Variants in LHFPL6 observed in about 807,000 individuals in gnomAD.
The protein encoded by LHFPL6 is LHFPL tetraspan subfamily member 6.
A neutral mutation model predicts 20.6 loss-of-function variants in LHFPL6; 9 were observed. That is an observed-to-expected ratio of 0.44 (90% CI 0.26 to 0.76). LHFPL6 has a LOEUF of 0.76. Among genes scored for constraint, LHFPL6 ranks in the 30% least tolerant of loss-of-function variants. The pLI is 0.20. For missense variants in LHFPL6, 218 were observed against 253.5 expected (o/e 0.86, Z 0.95); for synonymous variants, 105 against 98.7 (o/e 1.06, Z -0.38).
intron 2 of LHFPL6, among the ~76,000 whole-genome samples, chr13:39,533,372 C>A (rs1286771252): frequency 6.6e-6 from 1 of 152,144 alleles, no homozygotes; most frequent in African/African-American, 2.4e-5. Flanking sequence ...CCTCTTGAAT[C>A]CAAGATGGCA....
chr13:39,347,080 CAAAAA>C (rs11328909), intron 3 of LHFPL6, among the ~76,000 whole-genome samples: 2 of 76,552 alleles, frequency 2.6e-5, no homozygotes, highest in African/African-American at 1.0e-4. Context: ...ACTCTGTCTC[CAAAAA>C]AAAAAAAAAA....
chr13:39,584,609 G>T (rs1033755381), intron 2 of LHFPL6, among the ~76,000 whole-genome samples: 1 of 150,642 alleles, frequency 6.6e-6, no homozygotes, highest in Non-Finnish European at 1.5e-5. Flanking sequence ...TTTAAGACTA[G>T]AGTTAATATT....
At chr13:39,410,929 C>T (rs1373224243) in intron 2 of LHFPL6, among the ~76,000 whole-genome samples, 1 of 152,180 alleles carries the variant, frequency 6.6e-6, no homozygotes, top group Non-Finnish European at 1.5e-5. Flanking sequence ...GACAACATTC[C>T]ATATTTCAAG....
intron 2 of LHFPL6, among the ~76,000 whole-genome samples, chr13:39,494,261 G>A (rs757195613): frequency 6.6e-6 from 1 of 152,216 alleles, no homozygotes; most frequent in Admixed American, 6.5e-5. Flanking sequence ...ATTGCTAGTC[G>A]CAGCTCTTAG....
intron 2 of LHFPL6, among the ~76,000 whole-genome samples, chr13:39,541,183 T>C (rs998766187): frequency 1.3e-5 from 2 of 152,200 alleles, no homozygotes; most frequent in East Asian, 3.9e-4. Flanking sequence ...ACATCCTCCA[T>C]CTCTCCACTC....
intron 2 of LHFPL6, among the ~76,000 whole-genome samples, chr13:39,521,587 GT>G (rs1870107523): frequency 6.6e-6 from 1 of 151,942 alleles, no homozygotes; most frequent in Non-Finnish European, 1.5e-5. Flanking sequence ...AACGGGTTGG[GT>G]TTGTTGTTGT....
chr13:39,388,238 C>G (rs73453070), intron 2 of LHFPL6, among the ~76,000 whole-genome samples: 1 of 152,184 alleles, frequency 6.6e-6, no homozygotes, highest in Non-Finnish European at 1.5e-5. Flanking sequence ...CAAAATGGTG[C>G]CTTGATTCTC....
At chr13:39,428,662 A>G (rs1871707299) in intron 2 of LHFPL6, among the ~76,000 whole-genome samples, 1 of 152,022 alleles carries the variant, frequency 6.6e-6, no homozygotes, top group Non-Finnish European at 1.5e-5. Context: ...TTTTGGTTTC[A>G]TCAATTTTCT....
intron 2 of LHFPL6, among the ~76,000 whole-genome samples, chr13:39,529,855 TCAA>T (rs1186637442): frequency 1.3e-5 from 2 of 152,236 alleles, no homozygotes; most frequent in South Asian, 2.1e-4. Flanking sequence ...GATAAAGTAA[TCAA>T]CAACAACACA....
At chr13:39,498,064 C>T (rs941433203) in intron 2 of LHFPL6, among the ~76,000 whole-genome samples, 4 of 152,182 alleles carry the variant, frequency 2.6e-5, no homozygotes, top group African/African-American at 9.6e-5. Flanking sequence ...TAAAAACCAT[C>T]GAACATTTCC....
intron 2 of LHFPL6, among the ~76,000 whole-genome samples, chr13:39,524,380 CT>C (rs771897923): frequency 4.0e-5 from 6 of 151,054 alleles, no homozygotes; most frequent in Non-Finnish European, 8.8e-5. Context: ...GGAGCTGTCT[CT>C]AAGTGGGTCC....
At chr13:39,481,871 G>T (rs1868538721) in intron 2 of LHFPL6, among the ~76,000 whole-genome samples, 1 of 152,148 alleles carries the variant, frequency 6.6e-6, no homozygotes, top group African/African-American at 2.4e-5. Flanking sequence ...GGGAAGAAGA[G>T]ACATCAAGCA....
At chr13:39,404,527 AAAT>A (rs1030568998) in intron 2 of LHFPL6, among the ~76,000 whole-genome samples, 4 of 152,230 alleles carry the variant, frequency 2.6e-5, no homozygotes. Context: ...TATACAAATT[AAAT>A]AATAACAACT....
intron 2 of LHFPL6, among the ~76,000 whole-genome samples, chr13:39,421,266 T>A (rs1871477939): frequency 6.6e-6 from 1 of 152,190 alleles, no homozygotes. Context: ...GGTTTAAAAT[T>A]CTTCAATGAT....
At chr13:39,404,070 T>C (rs4941926) in intron 2 of LHFPL6, among the ~76,000 whole-genome samples, 2 of 152,028 alleles carry the variant, frequency 1.3e-5, no homozygotes, top group Admixed American at 6.5e-5. Context: ...TTTGTGGAGC[T>C]CAAGGAACAC....
At chr13:39,410,302 G>C (rs1234077802) in intron 2 of LHFPL6, among the ~76,000 whole-genome samples, 1 of 152,206 alleles carries the variant, frequency 6.6e-6, no homozygotes, top group Non-Finnish European at 1.5e-5. Context: ...GCAGTATTAT[G>C]CAAGCTTACT....
intron 2 of LHFPL6, among the ~76,000 whole-genome samples, chr13:39,592,422 G>A (rs897321548): frequency 6.6e-6 from 1 of 152,138 alleles, no homozygotes; most frequent in Non-Finnish European, 1.5e-5. Context: ...ATGAAACCAG[G>A]AAGAAGTTGA....
chr13:39,592,360 T>A (rs1872632778), intron 2 of LHFPL6, among the ~76,000 whole-genome samples: 1 of 152,094 alleles, frequency 6.6e-6, no homozygotes, highest in Non-Finnish European at 1.5e-5. Context: ...ACAAATAAAC[T>A]AGAAAATCTA....
chr13:39,383,757 G>C (rs1217121291), intron 2 of LHFPL6, among the ~76,000 whole-genome samples: 1 of 152,174 alleles, frequency 6.6e-6, no homozygotes, highest in African/African-American at 2.4e-5. Flanking sequence ...CTGTCAATAA[G>C]AAGCTCTCAC....
Sources: allele counts gnomAD v4.1 joint callset (sites outside exome capture counted in the v4.1 genomes callset), GRCh38; gene constraint gnomAD v4.1.1; transcripts MANE v1.5; gene names NCBI Gene and HGNC (gene_info 2026-07-23, HGNC 2026-07-21).